NCOA2: variants seen among roughly 807,000 people sequenced by gnomAD.
NCOA2 encodes class E basic helix-loop-helix protein 75.
In NCOA2, 21 loss-of-function variants were observed where a neutral mutation model predicts 145.1. The ratio of observed to expected loss-of-function variants is 0.14; its 90% CI spans 0.10 to 0.21. NCOA2 has a LOEUF of 0.21. NCOA2 is among the 10% of genes least tolerant of loss of function. NCOA2 has a pLI of 1.00. For synonymous variants in NCOA2, 619 were observed against 637.5 expected (o/e 0.97, Z 0.44); for missense variants, 1,472 against 1,837.6 (o/e 0.80, Z 3.64).
At chr8:70,159,377 T>C in intron 10 of NCOA2, 128 bp downstream of exon 10, 1 of 872,924 alleles carries the variant, frequency 1.1e-6, no homozygotes, top group Non-Finnish European at 1.7e-6. Flanking sequence ...TAATTTTATA[T>C]TTTACATTAC....
chr8:70,222,608 T>G (rs937066900), intron 2 of NCOA2, among the ~76,000 whole-genome samples: 1 of 152,212 alleles, frequency 6.6e-6, no homozygotes, highest in East Asian at 1.9e-4. Flanking sequence ...ATTTTTTAGC[T>G]GAAAGACACT....
chr8:70,205,835 G>A (rs1468347677), intron 4 of NCOA2, among the ~76,000 whole-genome samples: 2 of 152,166 alleles, frequency 1.3e-5, no homozygotes, highest in Non-Finnish European at 1.5e-5. Context: ...ACGAAGTCGG[G>A]GCAAATGATC....
At chr8:70,328,467 C>T (rs964323654) in intron 1 of NCOA2, among the ~76,000 whole-genome samples, 1 of 152,118 alleles carries the variant, frequency 6.6e-6, no homozygotes, top group African/African-American at 2.4e-5. Flanking sequence ...TAGACATTTA[C>T]CATCTTAAAT....
intron 2 of NCOA2, among the ~76,000 whole-genome samples, chr8:70,262,027 G>A (rs548565429): frequency 6.6e-6 from 1 of 151,732 alleles, no homozygotes; most frequent in Non-Finnish European, 1.5e-5. Flanking sequence ...TAAAACTTCA[G>A]TATATATAGA....
intron 2 of NCOA2, among the ~76,000 whole-genome samples, chr8:70,237,130 T>C (rs142466422): frequency 3.3e-5 from 5 of 152,344 alleles, no homozygotes; most frequent in African/African-American, 1.2e-4. Context: ...CCAAAATAGG[T>C]AGCATCGTTG....
intron 4 of NCOA2, among the ~76,000 whole-genome samples, chr8:70,175,095 G>GA (rs1021610257): frequency 2.0e-5 from 3 of 152,194 alleles, no homozygotes; most frequent in African/African-American, 7.2e-5. Flanking sequence ...AGGCTGCCCA[G>GA]AAAATGAATT....
intron 1 of NCOA2, among the ~76,000 whole-genome samples, chr8:70,298,214 T>C (rs1300093025): frequency 2.0e-5 from 3 of 152,206 alleles, no homozygotes; most frequent in African/African-American, 7.2e-5. Flanking sequence ...CACAAACAAG[T>C]TAACATCAAT....
At chr8:70,149,025 A>T (rs1440694940) in intron 11 of NCOA2, among the ~76,000 whole-genome samples, 1 of 151,948 alleles carries the variant, frequency 6.6e-6, no homozygotes, top group Non-Finnish European at 1.5e-5. Flanking sequence ...AGAGAGAAGC[A>T]AAATAAGCTT....
chr8:70,185,836 C>T (rs1461326647), intron 4 of NCOA2, among the ~76,000 whole-genome samples: 2 of 152,128 alleles, frequency 1.3e-5, no homozygotes, highest in African/African-American at 4.8e-5. Flanking sequence ...ATAGGTCTGT[C>T]TAGTCTCAAG....
chr8:70,288,065 CTCAGTGCCTTT>C (rs1826374089), intron 2 of NCOA2, among the ~76,000 whole-genome samples: 1 of 152,156 alleles, frequency 6.6e-6, no homozygotes, highest in Non-Finnish European at 1.5e-5. Flanking sequence ...TATTTAACTT[CTCAGTGCCTTT>C]GTCTACCCGT....
chr8:70,206,942 TAATC>T lies in NCOA2; in HGVS notation c.259+6957_259+6960del, dbSNP rs1215024406. On this transcript the variant is annotated intron_variant, in intron 4 of 22. Coordinates refer to ENST00000452400, the MANE Select transcript of NCOA2 (RefSeq NM_006540.4). ...TCGAAGCCTGTGCCAGCTTCTTTAA[TAATC>T]AACAGGCTTCTTTAATAATCACATT... is the stretch of plus-strand genomic sequence containing the variant. Among the ~76,000 whole-genome samples, 3 of 152,216 alleles carry T rather than the reference TAATC, an allele frequency of 2.0e-5. No individual in the cohort carries two copies. In the East Asian group the frequency reaches 5.8e-4, roughly 29 times the overall value.
At chr8:70,189,006 CT>C (rs2133198279) in intron 4 of NCOA2, among the ~76,000 whole-genome samples, 1 of 152,284 alleles carries the variant, frequency 6.6e-6, no homozygotes, top group African/African-American at 2.4e-5. Flanking sequence ...TACATTGTTT[CT>C]TTTTAACAAA....
At chr8:70,394,546 G>A (rs1813489037) in intron 1 of NCOA2, among the ~76,000 whole-genome samples, 1 of 152,160 alleles carries the variant, frequency 6.6e-6, no homozygotes, top group Non-Finnish European at 1.5e-5. Flanking sequence ...ACTTAAAACA[G>A]TAACAAGAAC....
At chr8:70,189,385 G>A (rs1816429119) in intron 4 of NCOA2, among the ~76,000 whole-genome samples, 1 of 152,084 alleles carries the variant, frequency 6.6e-6, no homozygotes, top group Admixed American at 6.6e-5. Context: ...CGTCTTATTT[G>A]ATCTAGATCT....
chr8:70,454,349 C>G, the NCOA2 span, among the ~76,000 whole-genome samples: 1 of 152,188 alleles, frequency 6.6e-6, no homozygotes, highest in Non-Finnish European at 1.5e-5. Context: ...GAGTGAATGA[C>G]AGGATGCAAA....
intron 10 of NCOA2, among the ~76,000 whole-genome samples, chr8:70,159,244 T>TATATATATATAGATATATGTATATATA: frequency 1.4e-5 from 1 of 69,304 alleles, no homozygotes; most frequent in Admixed American, 1.8e-4. Context: ...ATATATATAT[T>TATATATATATAGATATATGTATATATA]TTTTTTTTTT....
At chr8:70,246,841 G>A (rs1224803074) in intron 2 of NCOA2, among the ~76,000 whole-genome samples, 1 of 151,182 alleles carries the variant, frequency 6.6e-6, no homozygotes, top group Non-Finnish European at 1.5e-5. Flanking sequence ...ATACTTCATG[G>A]ATTATTTTAA....
chr8:70,371,501 A>G (rs1811211812), intron 1 of NCOA2, among the ~76,000 whole-genome samples: 1 of 152,172 alleles, frequency 6.6e-6, no homozygotes, highest in Non-Finnish European at 1.5e-5. Flanking sequence ...CTTATTTAAC[A>G]TATATATAGC....
chr8:70,288,955 T>C (rs1826459088), intron 2 of NCOA2, among the ~76,000 whole-genome samples: 1 of 152,134 alleles, frequency 6.6e-6, no homozygotes, highest in Non-Finnish European at 1.5e-5. Context: ...TACAAAAAAA[T>C]CTAAATTCTA....
Sources: gnomAD v4.1 joint callset for allele counts (sites outside exome capture counted in the v4.1 genomes callset) on GRCh38, gnomAD v4.1.1 for gene constraint, MANE v1.5 for transcripts, NCBI Gene and HGNC (gene_info 2026-07-23, HGNC 2026-07-21) for gene names.